Variants in SRGAP1 observed in about 807,000 individuals in gnomAD.
The protein encoded by SRGAP1 is SLIT-ROBO Rho GTPase activating protein 1.
In SRGAP1, 43 loss-of-function variants were observed where a neutral mutation model predicts 121.9. That is an observed-to-expected ratio of 0.35 (90% CI 0.28 to 0.46). The LOEUF (loss-of-function observed/expected upper bound fraction) is 0.46. SRGAP1 is among the 20% of genes least tolerant of loss of function. The pLI is 1.00. For missense variants in SRGAP1, 1,102 were observed against 1,350.9 expected, an observed-to-expected ratio of 0.82 and a Z score of 2.89; for synonymous variants, 447 against 485.4, an observed-to-expected ratio of 0.92 and a Z score of 1.04.
chr12:63,959,712 T>G (rs184614948), intron 1 of SRGAP1, among the ~76,000 whole-genome samples: 317 of 152,318 alleles, frequency 2.1e-3, no homozygotes, highest in Non-Finnish European at 3.1e-3. Flanking sequence ...AGATCTACAC[T>G]GTATTGGGCA....
chr12:64,125,909 T>C (rs2036679267), intron 18 of SRGAP1, 68 bp from the exon 19 acceptor site: 1 of 1,540,268 alleles, frequency 6.5e-7, no homozygotes, highest in Admixed American at 1.8e-5. Flanking sequence ...CATAGAGCCC[T>C]CACAGATAGG....
At chr12:63,994,602 A>G (rs1033231309) in intron 3 of SRGAP1, among the ~76,000 whole-genome samples, 3 of 152,232 alleles carry the variant, frequency 2.0e-5, no homozygotes, top group Admixed American at 6.5e-5. Context: ...TTCATTCAAC[A>G]AAAGAGTTAT....
intron 1 of SRGAP1, among the ~76,000 whole-genome samples, chr12:63,885,393 C>T (rs1364489869): frequency 1.3e-5 from 2 of 152,198 alleles, no homozygotes; most frequent in African/African-American, 4.8e-5. Context: ...GCTTCCATGC[C>T]TTCCCTGGGC....
rs1303969064 is a variant in SRGAP1 at position 63,844,801 on chromosome 12, C to T, written c.-16C>T. 1 of 1,614,072 alleles carries T rather than the reference C, an allele frequency of 6.2e-7. No individual in the cohort carries two copies. The highest frequency in any genetic ancestry group is 1.1e-5 in the South Asian group (1 of 91,086). ...CAAAACTTGCCCATTGAAAGCAAAC[C>T]CGGAACAGCTGGATAATGTCCACCC... On this transcript the variant is annotated 5_prime_UTR_variant, in exon 1 of 22. Transcript: ENST00000355086. This position sits in a 1 kb window ranked among gnomAD's most constrained non-coding sequence, Gnocchi z 4.3.
chr12:63,986,931 G>C (rs746424601), intron 2 of SRGAP1, among the ~76,000 whole-genome samples: 11 of 152,076 alleles, frequency 7.2e-5, no homozygotes, highest in Non-Finnish European at 1.5e-4. Context: ...ATTGAATATG[G>C]GACTGAAGAT....
At chr12:64,057,835 C>T (rs570749690) in intron 6 of SRGAP1, among the ~76,000 whole-genome samples, 9 of 152,268 alleles carry the variant, frequency 5.9e-5, no homozygotes, top group South Asian at 4.1e-4. Flanking sequence ...TCCATTCTCA[C>T]GACAACTGCT....
At chr12:64,004,231 G>A (rs1458446884) in intron 3 of SRGAP1, among the ~76,000 whole-genome samples, 1 of 152,140 alleles carries the variant, frequency 6.6e-6, no homozygotes, top group Non-Finnish European at 1.5e-5. Flanking sequence ...CAAACATGGG[G>A]TAGGTCAGAA....
At chr12:64,023,656 T>C (rs749358812) in intron 4 of SRGAP1, among the ~76,000 whole-genome samples, 45 of 152,212 alleles carry the variant, frequency 3.0e-4, no homozygotes, top group Admixed American at 2.4e-3. Flanking sequence ...ACACTCTCTA[T>C]GCATCAGCAG....
chr12:64,123,417 G>T (rs187319107), intron 18 of SRGAP1, among the ~76,000 whole-genome samples: 157 of 152,184 alleles, frequency 1.0e-3, no homozygotes, highest in Non-Finnish European at 1.5e-3. Flanking sequence ...AATAACTGGG[G>T]TACATATTTG....
intron 1 of SRGAP1, among the ~76,000 whole-genome samples, chr12:63,939,202 A>G (rs1419287796): frequency 6.6e-6 from 1 of 151,406 alleles, no homozygotes; most frequent in East Asian, 1.9e-4. Context: ...TTAGTATACC[A>G]ATTCTTACTT....
intron 4 of SRGAP1, among the ~76,000 whole-genome samples, chr12:64,030,945 C>G (rs2034763755): frequency 6.6e-6 from 1 of 152,214 alleles, no homozygotes. Context: ...CAGTGGACTC[C>G]TTGCTGTCTC....
intron 1 of SRGAP1, among the ~76,000 whole-genome samples, chr12:63,927,818 G>A (rs2031317021): frequency 6.6e-6 from 1 of 151,304 alleles, no homozygotes. Context: ...TGTTATTTGA[G>A]GGAACTGGGA....
intron 10 of SRGAP1, 41 bp downstream of exon 10, chr12:64,080,411 ACAT>A: frequency 1.4e-6 from 2 of 1,401,668 alleles, no homozygotes; most frequent in Non-Finnish European, 2.0e-6. Flanking sequence ...CCTGGATGAT[ACAT>A]CGTATCATGT....
At chr12:63,896,221 TAGTA>T (rs1470928700) in intron 1 of SRGAP1, among the ~76,000 whole-genome samples, 3 of 152,324 alleles carry the variant, frequency 2.0e-5, no homozygotes, top group African/African-American at 4.8e-5. Context: ...GGCTAGAACT[TAGTA>T]AGTTCCTTAT....
intron 1 of SRGAP1, among the ~76,000 whole-genome samples, chr12:63,924,751 G>C (rs1013569799): frequency 2.6e-5 from 4 of 152,134 alleles, no homozygotes; most frequent in East Asian, 3.9e-4. Flanking sequence ...GGGGTTACTT[G>C]GTTACTTTGT....
chr12:64,127,447 T>C (rs1438964925), intron 19 of SRGAP1, 143 bp from the exon 20 acceptor site: 2 of 780,372 alleles, frequency 2.6e-6, no homozygotes, highest in African/African-American at 1.8e-5. Context: ...AGAAAAGTTA[T>C]TTTAATAAAA....
rs141369548 is a variant in SRGAP1, at chr12:64,008,322, A to G, written c.427-8628A>G. On this transcript the variant is annotated intron_variant, in intron 3 of 21. Transcript: ENST00000355086. ...AAAATTTCTCTGATTGTATTCAGCA[A>G]CCCAAGTGTCTTTGTCAAAAAGATA... 2.0e-3 allele frequency among the ~76,000 whole-genome samples: 304 copies of G among 152,172 alleles called. 2 individuals carry two copies. The highest frequency in any genetic ancestry group is 6.8e-3 in the African/African-American group (282 of 41,476).
intron 8 of SRGAP1, among the ~76,000 whole-genome samples, chr12:64,071,775 G>A (rs2035640564): frequency 6.6e-6 from 1 of 152,008 alleles, no homozygotes; most frequent in African/African-American, 2.4e-5. Context: ...TCAAAAACAA[G>A]AGAGCCTAGC....
At chr12:63,878,364 TA>T (rs1159528568) in intron 1 of SRGAP1, among the ~76,000 whole-genome samples, 1 of 152,364 alleles carries the variant, frequency 6.6e-6, no homozygotes, top group East Asian at 1.9e-4. Flanking sequence ...TGTATTCTAA[TA>T]AAGTTCTCTT....
Sources: gnomAD v4.1 joint callset for allele counts (sites outside exome capture counted in the v4.1 genomes callset) on GRCh38, gnomAD v4.1.1 for gene constraint, Gnocchi (gnomAD v3.1) non-coding constraint, MANE v1.5 for transcripts, NCBI Gene and HGNC (gene_info 2026-07-23, HGNC 2026-07-21) for gene names.